The following TENM3 variants were observed in gnomAD, a reference collection of about 807,000 sequenced individuals.
TENM3 encodes the protein teneurin transmembrane protein 3.
TENM3 carries 63 observed loss-of-function variants against 255.1 expected under a neutral mutation model. The ratio of observed to expected loss-of-function variants is 0.25; its 90% CI spans 0.20 to 0.30. The LOEUF is 0.30. Among genes scored for constraint, TENM3 ranks in the 10% least tolerant of loss-of-function variants. The pLI is 1.00. For synonymous variants in TENM3, 1,306 were observed against 1,322.3 expected (o/e 0.99, Z 0.27); for missense variants, 2,929 against 3,461.1 (o/e 0.85, Z 3.86).
At chr4:182,286,990 G>A (rs920177645) in intron 1 of TENM3, among the ~76,000 whole-genome samples, 3 of 152,196 alleles carry the variant, frequency 2.0e-5, no homozygotes, top group African/African-American at 7.2e-5. Flanking sequence ...TGTTTTGGGA[G>A]GCCAAGGGAG....
chr4:182,239,100 G>A (rs866518339), upstream of TENM3, among the ~76,000 whole-genome samples: 13 of 145,668 alleles, frequency 8.9e-5, no homozygotes, highest in African/African-American at 2.8e-4. Flanking sequence ...TTTTTGAGAC[G>A]GCGTCTCGCT....
At chr4:182,423,440 G>A (rs1046529295) in intron 3 of TENM3, among the ~76,000 whole-genome samples, 1 of 151,898 alleles carries the variant, frequency 6.6e-6, no homozygotes, top group East Asian at 1.9e-4. Context: ...TATTCTTTCC[G>A]GCTCTTTGGT....
At chr4:182,002,108 A>C in the TENM3 span, among the ~76,000 whole-genome samples, 13 of 152,154 alleles carry the variant, frequency 8.5e-5, no homozygotes, top group Non-Finnish European at 1.2e-4. Context: ...TTTGTATTAT[A>C]GGAGAAATAT....
chr4:182,086,539 A>C, the TENM3 span, among the ~76,000 whole-genome samples: 1 of 152,228 alleles, frequency 6.6e-6, no homozygotes, highest in Non-Finnish European at 1.5e-5. Flanking sequence ...AGAGAGCTGA[A>C]ATACATCCAT....
chr4:182,075,254 A>T, the TENM3 span, among the ~76,000 whole-genome samples: 1 of 138,196 alleles, frequency 7.2e-6, no homozygotes, highest in Admixed American at 7.8e-5. Context: ...GCTGGAGTGC[A>T]GTGATGCAGT....
At chr4:182,076,495 C>T in the TENM3 span, among the ~76,000 whole-genome samples, 3 of 152,190 alleles carry the variant, frequency 2.0e-5, no homozygotes, top group Non-Finnish European at 4.4e-5. Flanking sequence ...AGCCGCCACT[C>T]CCAGCCTCTT....
the TENM3 span, among the ~76,000 whole-genome samples, chr4:181,580,578 G>A: frequency 1.3e-5 from 2 of 152,200 alleles, no homozygotes; most frequent in Non-Finnish European, 2.9e-5. Context: ...ACCTGACTAT[G>A]CTTAAGAAGA....
the TENM3 span, among the ~76,000 whole-genome samples, chr4:181,974,963 C>A: frequency 6.6e-6 from 1 of 151,998 alleles, no homozygotes; most frequent in African/African-American, 2.4e-5. Flanking sequence ...TTTGGAGTTC[C>A]CGGTGTCTAT....
intron 1 of TENM3, among the ~76,000 whole-genome samples, chr4:182,180,962 G>T (rs1200552179): frequency 6.6e-6 from 1 of 151,592 alleles, no homozygotes; most frequent in East Asian, 1.9e-4. Context: ...GCTGTCACCT[G>T]ACTGAAGAAG....
rs571034803 is a variant in TENM3, at chr4:182,174,066, A to AT, written c.-76+29312_-76+29313insT. 3.1e-4 allele frequency among the ~76,000 whole-genome samples: 47 copies of AT among 152,234 alleles called. No individual in the cohort carries two copies. The East Asian group carries it at 9.1e-3, about 29-fold the overall frequency. On this transcript the variant is annotated intron_variant, in intron 1 of 2. Transcript: ENST00000512480. ...ACTTTATGCAAATTGATAACTAAAA[A>AT]ATTGTTTTACACAGAAATTAAGATT...
chr4:181,995,440 G>A, the TENM3 span, among the ~76,000 whole-genome samples: 1 of 152,196 alleles, frequency 6.6e-6, no homozygotes, highest in African/African-American at 2.4e-5. Flanking sequence ...AAATGTGTAT[G>A]TGAAAGCAGC....
chr4:182,766,955 A>G (rs1009645787), intron 22 of TENM3, among the ~76,000 whole-genome samples: 2 of 152,118 alleles, frequency 1.3e-5, no homozygotes, highest in Non-Finnish European at 2.9e-5. Context: ...CTCACGTAAA[A>G]TAATACTTTC....
chr4:181,693,792 G>T, the TENM3 span, among the ~76,000 whole-genome samples: 2 of 152,224 alleles, frequency 1.3e-5, no homozygotes, highest in Non-Finnish European at 2.9e-5. Context: ...CTCCTACATG[G>T]AGCAGAGAGG....
the TENM3 span, among the ~76,000 whole-genome samples, chr4:181,609,737 A>G: frequency 7.9e-5 from 12 of 152,248 alleles, no homozygotes; most frequent in Non-Finnish European, 1.0e-4. Flanking sequence ...TGTGGATTTG[A>G]AATGTATCTG....
At chr4:182,540,703 A>G (rs1453742377) in intron 3 of TENM3, among the ~76,000 whole-genome samples, 1 of 152,192 alleles carries the variant, frequency 6.6e-6, no homozygotes, top group African/African-American at 2.4e-5. Context: ...CACCTACTTC[A>G]TGTCAAGAAC....
chr4:182,063,029 T>G, the TENM3 span, among the ~76,000 whole-genome samples: 1 of 152,206 alleles, frequency 6.6e-6, no homozygotes, highest in African/African-American at 2.4e-5. Context: ...CCAAAGAAAC[T>G]TTTGATATGA....
chr4:181,606,093 C>T, the TENM3 span, among the ~76,000 whole-genome samples: 3 of 152,162 alleles, frequency 2.0e-5, no homozygotes, highest in Non-Finnish European at 2.9e-5. Flanking sequence ...CCTTTCAATT[C>T]TACCCTCAGA....
chr4:182,626,822 T>C (rs75002252), intron 4 of TENM3, among the ~76,000 whole-genome samples: 8,139 of 152,298 alleles, frequency 0.053, 316 homozygotes, highest in East Asian at 0.19. Context: ...TCTAATTTTG[T>C]GTTTGACAAA....
the TENM3 span, among the ~76,000 whole-genome samples, chr4:181,740,977 C>G: frequency 1.3e-5 from 2 of 151,942 alleles, no homozygotes; most frequent in Non-Finnish European, 2.9e-5. Flanking sequence ...GTGAGAAAAG[C>G]TGAAGTGGAG....
Sources: gnomAD v4.1 joint callset for allele counts (sites outside exome capture counted in the v4.1 genomes callset) on GRCh38, gnomAD v4.1.1 for gene constraint, MANE v1.5 for transcripts, NCBI Gene and HGNC (gene_info 2026-07-23, HGNC 2026-07-21) for gene names.